Variants in ELMOD1 observed in about 807,000 individuals in gnomAD.
The protein encoded by ELMOD1 is ELMO domain containing 1.
In ELMOD1, 21 loss-of-function variants were observed where a neutral mutation model predicts 46.7. The observed-to-expected ratio is 0.45, with a 90% CI of 0.32 to 0.65. The LOEUF (loss-of-function observed/expected upper bound fraction) is 0.65. Among genes scored for constraint, ELMOD1 ranks in the 30% least tolerant of loss-of-function variants. The pLI, the probability that ELMOD1 is intolerant of heterozygous loss-of-function variation, is 0.04. For missense variants in ELMOD1, 348 were observed against 407.8 expected, an observed-to-expected ratio of 0.85 and a Z score of 1.26; for synonymous variants, 122 against 138.2, an observed-to-expected ratio of 0.88 and a Z score of 0.82.
intron 1 of ELMOD1, among the ~76,000 whole-genome samples, chr11:107,607,686 A>G (rs1483993662): frequency 6.6e-6 from 1 of 152,058 alleles, no homozygotes; most frequent in Non-Finnish European, 1.5e-5. Flanking sequence ...CAAACAAACA[A>G]GATATAGGAC....
intron 7 of ELMOD1, among the ~76,000 whole-genome samples, chr11:107,649,170 C>A (rs1866482638): frequency 6.6e-6 from 1 of 152,096 alleles, no homozygotes; most frequent in African/African-American, 2.4e-5. Flanking sequence ...TCTGAGCTTT[C>A]AAATAACTGG....
chr11:107,661,007 A>G (rs1026751642), intron 11 of ELMOD1, among the ~76,000 whole-genome samples: 1 of 152,180 alleles, frequency 6.6e-6, no homozygotes, highest in Admixed American at 6.6e-5. Flanking sequence ...ATTTTTGAAC[A>G]CTGTAATTTA....
intron 1 of ELMOD1, among the ~76,000 whole-genome samples, chr11:107,607,150 C>G (rs900356903): frequency 2.0e-5 from 3 of 152,148 alleles, no homozygotes; most frequent in Non-Finnish European, 4.4e-5. Flanking sequence ...CTGTTTGATT[C>G]CAAAATCTCC....
At chr11:107,628,080 C>A (rs1161377428) in intron 2 of ELMOD1, among the ~76,000 whole-genome samples, 1 of 151,072 alleles carries the variant, frequency 6.6e-6, no homozygotes, top group Non-Finnish European at 1.5e-5. Context: ...CAAGATATTG[C>A]TCAATCTTTT....
intron 1 of ELMOD1, among the ~76,000 whole-genome samples, chr11:107,605,196 T>C (rs1428130814): frequency 3.3e-5 from 5 of 149,988 alleles, no homozygotes; most frequent in African/African-American, 1.2e-4. Context: ...TCTTTCTTTT[T>C]TTTTTTTTTT....
At position 107,593,523 on chromosome 11, in the gene ELMOD1, G is replaced by A. The variant is rs914275698; in HGVS notation, c.-86+2114G>A. On this transcript the variant is annotated intron_variant, in intron 1 of 11. Coordinates refer to ENST00000265840, the MANE Select transcript of ELMOD1 (RefSeq NM_018712.4). The stretch of plus-strand genomic sequence containing the variant: ...AGAAAGAAACCTAGTTGCATTAACA[G>A]ACATGAAATCTGGATGATTGAGAAG... 2.0e-5 allele frequency among the ~76,000 whole-genome samples: 3 copies of A among 152,236 alleles called. No individual in the cohort carries two copies. The East Asian group carries it at 5.8e-4, about 29-fold the overall frequency.
At chr11:107,600,168 A>C (rs906356996) in intron 1 of ELMOD1, among the ~76,000 whole-genome samples, 1 of 152,140 alleles carries the variant, frequency 6.6e-6, no homozygotes, top group African/African-American at 2.4e-5. Flanking sequence ...CTATCCATCC[A>C]TATTATTTTG....
chr11:107,639,299 A>T (rs1225739236), intron 6 of ELMOD1, among the ~76,000 whole-genome samples: 1 of 152,134 alleles, frequency 6.6e-6, no homozygotes, highest in African/African-American at 2.4e-5. Flanking sequence ...GTGTTACTAG[A>T]GTTCTGAAGT....
intron 1 of ELMOD1, among the ~76,000 whole-genome samples, chr11:107,600,143 C>G (rs1865572559): frequency 6.6e-6 from 1 of 152,060 alleles, no homozygotes; most frequent in Non-Finnish European, 1.5e-5. Flanking sequence ...GCTGTTTGAT[C>G]TCTAACCCTA....
chr11:107,654,735 C>G (rs991851462), intron 10 of ELMOD1, among the ~76,000 whole-genome samples: 8 of 147,712 alleles, frequency 5.4e-5, no homozygotes, highest in African/African-American at 1.3e-4. Flanking sequence ...CGCCACTGCA[C>G]TCCAGCCTGG....
rs200371696 is a variant in ELMOD1 at position 107,654,157 on chromosome 11, C to T, written c.648-15C>T. ...GTTAAATCTGACTTACTTACTTATT[C>T]ATTCATCCATTCAGCAAATTCAGCA... On this transcript the variant is annotated splice_polypyrimidine_tract_variant and intron_variant, in intron 9 of 11. Coordinates refer to ENST00000265840, the MANE Select transcript of ELMOD1 (RefSeq NM_018712.4). The T allele has an allele frequency of 2.2e-3, 3,410 of 1,570,028 alleles. 11 individuals carry two copies. Among genetic ancestry groups the T allele is most frequent in the Non-Finnish European group, 2.7e-3 (3,118 of 1,156,070 alleles).
At chr11:107,645,264 T>C (rs1866408291) in intron 6 of ELMOD1, among the ~76,000 whole-genome samples, 1 of 150,648 alleles carries the variant, frequency 6.6e-6, no homozygotes, top group Admixed American at 6.6e-5. Context: ...AAATAAACTT[T>C]TCCCCAATGA....
At chr11:107,591,927 G>T (rs770973835) in intron 1 of ELMOD1, 61 of 509,292 alleles carry the variant, frequency 1.2e-4, no homozygotes, top group Admixed American at 5.0e-4. Context: ...CGGTCGGCTG[G>T]GCTGTTGAGC....
At position 107,650,184 on chromosome 11, in the gene ELMOD1, AG is replaced by A. The variant is rs544290291; in HGVS notation, c.555-150del. 2.1e-4 allele frequency: 111 copies of A among 533,740 alleles called. No individual in the cohort carries two copies. In the South Asian group the frequency reaches 3.3e-3, roughly 16 times the overall value. The allele number at this position is 533,740 out of a possible 1,614,324, so 33.1% of individuals were successfully genotyped here. ...ACATTTGGAAAATTCTGTTGTGAAA[AG>A]CTGTTTGTTCCCTGGAGGAGCTGAA... is the stretch of plus-strand genomic sequence containing the variant. On this transcript the variant is annotated intron_variant, in intron 7 of 11. Coordinates refer to ENST00000265840, the MANE Select transcript of ELMOD1 (RefSeq NM_018712.4).
Position 107,618,185 on chromosome 11 carries a change from G to A in ELMOD1, c.-5G>A. The A allele has an allele frequency of 6.4e-7, 1 of 1,566,364 alleles. No individual in the cohort carries two copies. The highest frequency in any genetic ancestry group is 8.7e-7 in the Non-Finnish European group (1 of 1,154,560). ...TATAGCATCTGGACAGTCAACACGG[G>A]CACCATGAAGCACTTCCTGAGGTAT... is the stretch of plus-strand genomic sequence containing the variant. On this transcript the variant is annotated 5_prime_UTR_variant, in exon 2 of 12. Transcript: ENST00000265840.
chr11:107,647,423 G>A, intron 6 of ELMOD1, 45 bp from the exon 7 acceptor site: 2 of 1,574,216 alleles, frequency 1.3e-6, no homozygotes, highest in Non-Finnish European at 1.7e-6. Context: ...TGAACCAATA[G>A]GAAAGGGTGT....
intron 1 of ELMOD1, among the ~76,000 whole-genome samples, chr11:107,615,393 AC>A (rs1328553727): frequency 1.3e-5 from 2 of 151,594 alleles, no homozygotes; most frequent in Admixed American, 1.3e-4. Flanking sequence ...GCGCTGCCAC[AC>A]CCAGCTAATT....
chr11:107,654,152 T>G lies in ELMOD1; in HGVS notation c.648-20T>G, dbSNP rs1866578303. 1 of 1,566,354 alleles carries G rather than the reference T, an allele frequency of 6.4e-7. No homozygotes were observed. Among genetic ancestry groups the G allele is most frequent in the African/African-American group, 1.4e-5 (1 of 73,818 alleles). ...TAGAGGTTAAATCTGACTTACTTAC[T>G]TATTCATTCATCCATTCAGCAAATT... On this transcript the variant is annotated intron_variant, in intron 9 of 11. Transcript: ENST00000265840.
intron 11 of ELMOD1, among the ~76,000 whole-genome samples, chr11:107,663,480 A>T (rs1318796211): frequency 6.9e-6 from 1 of 145,074 alleles, no homozygotes; most frequent in East Asian, 2.0e-4. Context: ...TCTTTCCTCT[A>T]AAAAATTAAT....
Sources: allele counts gnomAD v4.1 joint callset (sites outside exome capture counted in the v4.1 genomes callset), GRCh38; gene constraint gnomAD v4.1.1; transcripts MANE v1.5; gene names NCBI Gene and HGNC (gene_info 2026-07-23, HGNC 2026-07-21).